The following SPINT2 variants were observed in gnomAD, a reference collection of about 807,000 sequenced individuals.
SPINT2 encodes the protein serine peptidase inhibitor, Kunitz type 2.
A neutral mutation model predicts 30.1 loss-of-function variants in SPINT2; 18 were observed. The observed-to-expected ratio is 0.60, with a 90% confidence interval of 0.41 to 0.89. The LOEUF (loss-of-function observed/expected upper bound fraction) is 0.89. Among genes scored for constraint, SPINT2 ranks in the 40% least tolerant of loss-of-function variants. The pLI, the probability that SPINT2 is intolerant of heterozygous loss-of-function variation, is 0.00. For missense variants in SPINT2, 276 were observed against 334.3 expected, an observed-to-expected ratio of 0.83 and a Z score of 1.36; for synonymous variants, 139 against 137.9, an observed-to-expected ratio of 1.01 and a Z score of -0.05.
intron 3 of SPINT2, 34 bp from the exon 4 acceptor site, chr19:38,289,104 C>G: frequency 6.2e-7 from 1 of 1,610,092 alleles, no homozygotes; most frequent in Non-Finnish European, 8.5e-7. Context: ...CTGTGTCCGG[C>G]CCAGCCTCCC....
rs1052825882 is a variant in SPINT2, at chr19:38,264,705, G to A, written c.-188G>A. The A allele has an allele frequency of 5.0e-6, 3 of 602,672 alleles. No homozygotes were observed. The highest frequency in any genetic ancestry group is 3.0e-5 in the East Asian group (1 of 33,606). 37.3% of individuals were successfully genotyped at this position (602,672 alleles called of 1,614,324 possible). A position where few individuals can be genotyped will look rare whatever the true frequency, so the allele number is the denominator to read the frequency against. ...CCAGGCATCGCGCGCCGAGAAGGCCGGGCGTCCCCACACTGAAGGTCCGGA... is the reference window on the plus strand; with the variant it reads ...CCAGGCATCGCGCGCCGAGAAGGCCAGGCGTCCCCACACTGAAGGTCCGGA... On this transcript the variant is annotated 5_prime_UTR_variant, in exon 1 of 7. Coordinates refer to ENST00000301244, the MANE Select transcript of SPINT2 (RefSeq NM_021102.4).
In SPINT2 at chr19:38,292,468, C is replaced by T. The variant is rs1178745177; in HGVS notation, c.*462C>T. The T allele has an allele frequency of 1.2e-5, 2 of 162,378 alleles. No individual in the cohort carries two copies. The highest frequency in any genetic ancestry group is 2.7e-5 in the Non-Finnish European group (2 of 73,796). 10.1% of individuals were successfully genotyped at this position (162,378 alleles called of 1,614,324 possible). A position where few individuals can be genotyped will look rare whatever the true frequency, so the allele number is the denominator to read the frequency against. On this transcript the variant is annotated 3_prime_UTR_variant, in exon 7 of 7. Coordinates refer to ENST00000301244, the MANE Select transcript of SPINT2 (RefSeq NM_021102.4). ...TAGAATAAATTTCAGCATGTGCTTT[C>T]TTTATGGGAGTCCTAATTTCAACCC... is the stretch of plus-strand genomic sequence containing the variant.
chr19:38,267,370 C>G (rs1056167515), intron 1 of SPINT2, among the ~76,000 whole-genome samples: 1 of 152,114 alleles, frequency 6.6e-6, no homozygotes, highest in African/African-American at 2.4e-5. Flanking sequence ...TGCAGTGGCT[C>G]AGGTGCTGCT....
At chr19:38,284,526 G>C (rs955291358) in intron 2 of SPINT2, among the ~76,000 whole-genome samples, 2 of 152,170 alleles carry the variant, frequency 1.3e-5, no homozygotes, top group Non-Finnish European at 2.9e-5. Flanking sequence ...ATGTCCTGGT[G>C]GCCGTACAGT....
At chr19:38,286,441 G>A in intron 2 of SPINT2, among the ~76,000 whole-genome samples, 1 of 152,174 alleles carries the variant, frequency 6.6e-6, no homozygotes, top group South Asian at 2.1e-4. Context: ...GAGGAGCCAG[G>A]GTTCCCTCCA....
At position 38,283,587 on chromosome 19, in the gene SPINT2, T is replaced by A. The variant is rs763344239; in HGVS notation, c.107-40T>A. The stretch of plus-strand genomic sequence containing the variant: ...CTGTGCGTGTCCTTTGTTGCCAGGA[T>A]TGCCCTGCCAAGCTAACCGGGTTGT... On this transcript the variant is annotated intron_variant, in intron 1 of 6. Transcript: ENST00000301244. The A allele has an allele frequency of 2.5e-6, 4 of 1,612,812 alleles. No homozygotes were observed. The Admixed American group carries it at 6.7e-5, about 27-fold the overall frequency.
chr19:38,279,529 T>C (rs1968557005), intron 1 of SPINT2, among the ~76,000 whole-genome samples: 1 of 151,774 alleles, frequency 6.6e-6, no homozygotes, highest in Admixed American at 6.6e-5. Flanking sequence ...TTTTCAAGTA[T>C]ATACAAAGCA....
At chr19:38,265,138 C>T in intron 1 of SPINT2, 140 bp downstream of exon 1, 3 of 738,412 alleles carry the variant, frequency 4.1e-6, no homozygotes, top group South Asian at 3.7e-5. Context: ...GTGGAACCAG[C>T]CCTGGAGGAT....
At position 38,291,688 on chromosome 19, in the gene SPINT2, C is replaced by T; in HGVS notation, c.593-152C>T. 4.4e-6 allele frequency: 4 copies of T among 916,566 alleles called. No homozygotes were observed. The South Asian group carries it at 7.0e-5, about 16-fold the overall frequency. The allele number at this position is 916,566 out of a possible 1,614,324, so 56.8% of individuals were successfully genotyped here. A position where few individuals can be genotyped will look rare whatever the true frequency, so the allele number is the denominator to read the frequency against. ...TGGCATCTCTGGCAGGCTGTGTCCT[C>T]TCCAGCTGCAGTTCTGGACCCTGTC... On this transcript the variant is annotated intron_variant, in intron 6 of 6. Transcript: ENST00000301244.
chr19:38,283,523 C>A, intron 1 of SPINT2, 104 bp from the exon 2 acceptor site: 1 of 1,463,758 alleles, frequency 6.8e-7, no homozygotes, highest in Non-Finnish European at 9.5e-7. Context: ...ACTGCTGGAA[C>A]TCAAGGCTCT....
At chr19:38,269,090 T>C (rs1968416590) in intron 1 of SPINT2, among the ~76,000 whole-genome samples, 1 of 151,596 alleles carries the variant, frequency 6.6e-6, no homozygotes, top group Non-Finnish European at 1.5e-5. Context: ...TGTTTTTGTT[T>C]GTTTTTGTTT....
Position 38,283,787 on chromosome 19 carries a change from C to G in SPINT2, c.267C>G (p.Ala89=). The G allele has an allele frequency of 6.2e-7, 1 of 1,612,526 alleles. No homozygotes were observed. The highest frequency in any genetic ancestry group is 8.5e-7 in the Non-Finnish European group (1 of 1,179,646). The change falls in exon 2 of 7, where the codon GCC becomes GCG. Residue 89 remains alanine, a synonymous_variant. Coordinates refer to ENST00000301244, the MANE Select transcript of SPINT2 (RefSeq NM_021102.4). The part of the protein sequence containing the change: ...LTKEECLKKC[A]TVTENATGDL... Reference sequence around the variant, plus strand: ...AGGAGGAGTGCCTCAAGAAATGTGCCACTGTCACAGGTGAGATGGCAGTAG... The same window carrying G: ...AGGAGGAGTGCCTCAAGAAATGTGCGACTGTCACAGGTGAGATGGCAGTAG...
chr19:38,271,812 C>T (rs1600335214), intron 1 of SPINT2, among the ~76,000 whole-genome samples: 1 of 151,816 alleles, frequency 6.6e-6, no homozygotes, highest in East Asian at 1.9e-4. Context: ...GAGTGAGACT[C>T]CATCTCAGAA....
At chr19:38,285,716 G>C (rs1289611322) in intron 2 of SPINT2, among the ~76,000 whole-genome samples, 1 of 152,124 alleles carries the variant, frequency 6.6e-6, no homozygotes, top group Non-Finnish European at 1.5e-5. Flanking sequence ...ATTTTCAGCG[G>C]CACTCCCCCT....
At position 38,287,951 on chromosome 19, in the gene SPINT2, G is replaced by C. The variant is rs1968662679; in HGVS notation, c.337+16G>C. ...GTCCCAAGTGGTAGGTTCTTAAAGA[G>C]ACCCGCGATGGAGTGAGGCCACCGG... On this transcript the variant is annotated intron_variant, in intron 3 of 6. Coordinates refer to ENST00000301244, the MANE Select transcript of SPINT2 (RefSeq NM_021102.4). 1 of 1,613,968 alleles carries C rather than the reference G, an allele frequency of 6.2e-7. No homozygotes were observed. Among genetic ancestry groups the C allele is most frequent in the East Asian group, 2.2e-5 (1 of 44,888 alleles).
chr19:38,291,724 A>G (rs1185230008), intron 6 of SPINT2, 116 bp from the exon 7 acceptor site: 2 of 1,269,226 alleles, frequency 1.6e-6, no homozygotes, highest in Non-Finnish European at 2.2e-6. Flanking sequence ...TGGGTTGGGG[A>G]GGGGCATTTG....
intron 1 of SPINT2, 48 bp from the exon 2 acceptor site, chr19:38,283,579 T>G (rs1374371685): frequency 2.5e-6 from 4 of 1,612,564 alleles, no homozygotes; most frequent in African/African-American, 2.7e-5. Flanking sequence ...TGTCCTTTGT[T>G]GCCAGGATTG....
rs540168719 is a variant in SPINT2 at position 38,277,893 on chromosome 19, G to A, written c.107-5734G>A. ...GAAGCTTATGAGTTCATCCAAATTT[G>A]GTTCCTTTCAGCATTTTCCTGTTGG... On this transcript the variant is annotated intron_variant, in intron 1 of 6. Transcript: ENST00000301244. Among the ~76,000 whole-genome samples the A allele has an allele frequency of 3.3e-5, 5 of 152,218 alleles. No homozygotes were observed. The South Asian group carries it at 6.2e-4, about 19-fold the overall frequency.
chr19:38,273,699 C>T (rs1354007206), intron 1 of SPINT2, among the ~76,000 whole-genome samples: 2 of 152,184 alleles, frequency 1.3e-5, no homozygotes, highest in Non-Finnish European at 2.9e-5. Flanking sequence ...AGGACTTTGA[C>T]CCGTGTGGTG....
Sources: gnomAD v4.1 joint callset for allele counts (sites outside exome capture counted in the v4.1 genomes callset) on GRCh38, gnomAD v4.1.1 for gene constraint, MANE v1.5 for transcripts, NCBI Gene and HGNC (gene_info 2026-07-23, HGNC 2026-07-21) for gene names.